Variants in OSBP2 observed in about 807,000 individuals in gnomAD.
OSBP2 encodes oxysterol-binding protein 2.
OSBP2 carries 66 observed loss-of-function variants against 96.0 expected under a neutral mutation model. That is an observed-to-expected ratio of 0.69 (90% CI 0.56 to 0.84). The LOEUF (loss-of-function observed/expected upper bound fraction) is 0.84. OSBP2 is among the 40% of genes least tolerant of loss of function. The pLI is 0.00. For missense variants in OSBP2, 1,038 were observed against 1,222.7 expected, an observed-to-expected ratio of 0.85 and a Z score of 2.25; for synonymous variants, 525 against 520.9, an observed-to-expected ratio of 1.01 and a Z score of -0.11.
At chr22:30,841,870 C>G (rs1312998992) in intron 2 of OSBP2, among the ~76,000 whole-genome samples, 2 of 152,110 alleles carry the variant, frequency 1.3e-5, no homozygotes, top group Non-Finnish European at 2.9e-5. Flanking sequence ...AGAGTTGTGG[C>G]ATGCACCTGT....
chr22:30,858,174 C>T (rs1346297046), intron 2 of OSBP2, among the ~76,000 whole-genome samples: 2 of 147,446 alleles, frequency 1.4e-5, no homozygotes, highest in African/African-American at 5.2e-5. Context: ...GAGTCTCGCT[C>T]TGTCGCCCAG....
At chr22:30,840,185 T>G (rs910334191) in intron 2 of OSBP2, among the ~76,000 whole-genome samples, 1 of 149,664 alleles carries the variant, frequency 6.7e-6, no homozygotes, top group African/African-American at 2.5e-5. Context: ...AATGTGCACA[T>G]GTACCCTAAA....
At chr22:30,875,178 C>T (rs1352572911) in intron 3 of OSBP2, among the ~76,000 whole-genome samples, 2 of 152,158 alleles carry the variant, frequency 1.3e-5, no homozygotes, top group Non-Finnish European at 2.9e-5. Context: ...GAGGCCCAGC[C>T]CCGAGGCCTC....
intron 2 of OSBP2, among the ~76,000 whole-genome samples, chr22:30,814,077 C>T (rs1477440651): frequency 1.3e-5 from 2 of 152,128 alleles, no homozygotes; most frequent in South Asian, 2.1e-4. Context: ...CAGGCATGAA[C>T]CACCATGCCC....
chr22:30,768,107 A>G (rs2090299596), intron 2 of OSBP2, among the ~76,000 whole-genome samples: 1 of 152,090 alleles, frequency 6.6e-6, no homozygotes, highest in South Asian at 2.1e-4. Context: ...GCCCAGGGTG[A>G]ATGGGTCACT....
At chr22:30,737,996 G>A (rs1300664799) in intron 1 of OSBP2, among the ~76,000 whole-genome samples, 1 of 151,946 alleles carries the variant, frequency 6.6e-6, no homozygotes, top group Non-Finnish European at 1.5e-5. Flanking sequence ...ACAGGCGTGA[G>A]CCACCGTGCA....
intron 1 of OSBP2, among the ~76,000 whole-genome samples, chr22:30,702,468 G>A (rs1303070026): frequency 6.6e-6 from 1 of 152,126 alleles, no homozygotes; most frequent in Non-Finnish European, 1.5e-5. Flanking sequence ...ACAAAAATTA[G>A]CTGGGCATGG....
At chr22:30,902,140 C>CAAAAAAAAAAAAAAAAAAAAAAAAA (rs1239083048) in intron 12 of OSBP2, 2 of 253,946 alleles carry the variant, frequency 7.9e-6, no homozygotes, top group Admixed American at 5.7e-5. Flanking sequence ...AAAAAAAAAC[C>CAAAAAAAAAAAAAAAAAAAAAAAAA]AAAAAAAAAA....
intron 2 of OSBP2, among the ~76,000 whole-genome samples, chr22:30,861,306 GC>G (rs940182220): frequency 2.0e-5 from 3 of 152,144 alleles, no homozygotes; most frequent in African/African-American, 7.2e-5. Flanking sequence ...CATCCCACAG[GC>G]CCCACCCTGG....
At chr22:30,694,848 C>T (rs1363707175), upstream of OSBP2, 8 of 759,192 alleles carry the variant, frequency 1.1e-5, no homozygotes, top group Non-Finnish European at 1.2e-5. Flanking sequence ...GCCCCCGGCC[C>T]CGCCCCCGGC....
At chr22:30,720,700 A>C (rs775302257) in intron 1 of OSBP2, among the ~76,000 whole-genome samples, 1 of 152,214 alleles carries the variant, frequency 6.6e-6, no homozygotes, top group African/African-American at 2.4e-5. Flanking sequence ...AAACTGTTTC[A>C]TAAGTGTAAG....
chr22:30,694,902 C>G lies in OSBP2; in HGVS notation c.-8C>G. The G allele has an allele frequency of 7.7e-7, 1 of 1,306,146 alleles. No homozygotes were observed. Among genetic ancestry groups the G allele is most frequent in the Non-Finnish European group, 9.8e-7 (1 of 1,019,544 alleles). 80.9% of individuals were successfully genotyped at this position (1,306,146 alleles called of 1,614,324 possible). A position where few individuals can be genotyped will look rare whatever the true frequency, so the allele number is the denominator to read the frequency against. ...GGCCGCTCGGCCGCGCGCGGGTCGG[C>G]CGGCTCTATGGGGAAAGCGGCGGCT... is the stretch of plus-strand genomic sequence containing the variant. On this transcript the variant is annotated 5_prime_UTR_variant, in exon 1 of 14. Transcript: ENST00000332585.
chr22:30,822,402 A>C, intron 2 of OSBP2: 1 of 790,450 alleles, frequency 1.3e-6, no homozygotes, highest in Non-Finnish European at 1.7e-6. Flanking sequence ...AGTGGTAGGC[A>C]GCACCGCCGC....
intron 1 of OSBP2, among the ~76,000 whole-genome samples, chr22:30,698,790 T>C (rs141597760): frequency 1.6e-3 from 249 of 152,178 alleles, no homozygotes; most frequent in Non-Finnish European, 2.6e-3. Flanking sequence ...AGCATCTATT[T>C]CTTGTGCCCC....
chr22:30,779,749 T>C (rs989802672), intron 2 of OSBP2, among the ~76,000 whole-genome samples: 1 of 152,154 alleles, frequency 6.6e-6, no homozygotes, highest in African/African-American at 2.4e-5. Flanking sequence ...CTTTCCAGAA[T>C]GAAGTAGAAA....
chr22:30,863,149 G>A (rs965477934), intron 2 of OSBP2, among the ~76,000 whole-genome samples: 3 of 152,084 alleles, frequency 2.0e-5, no homozygotes, highest in East Asian at 1.9e-4. Flanking sequence ...TGGGCTGTTC[G>A]TTCTCAAACA....
intron 2 of OSBP2, among the ~76,000 whole-genome samples, chr22:30,839,672 T>G (rs1487722096): frequency 6.6e-6 from 1 of 151,678 alleles, no homozygotes; most frequent in African/African-American, 2.4e-5. Context: ...TCATATCCTT[T>G]GCCCACTTTT....
intron 2 of OSBP2, among the ~76,000 whole-genome samples, chr22:30,814,435 T>TTG (rs548907322): frequency 2.7e-5 from 1 of 37,026 alleles, no homozygotes; most frequent in African/African-American, 1.9e-4. Context: ...TCTCGTTGGG[T>TTG]TTTTTTTTTT....
rs1019040397 is a variant in OSBP2 at position 30,836,497 on chromosome 22, C to G, written c.854-33932C>G. Among the ~76,000 whole-genome samples, 4 of 152,202 alleles carry G rather than the reference C, an allele frequency of 2.6e-5. No individual in the cohort carries two copies. In the East Asian group the frequency reaches 7.7e-4, roughly 29 times the overall value. ...TGGCCAACAGTTGAAGACCTTTCCTCCTTCCTTTTCTTTGCCTGGCAAAAG... is the reference window on the plus strand; with the variant it reads ...TGGCCAACAGTTGAAGACCTTTCCTGCTTCCTTTTCTTTGCCTGGCAAAAG... On this transcript the variant is annotated intron_variant, in intron 2 of 13. Coordinates refer to ENST00000332585, the MANE Select transcript of OSBP2 (RefSeq NM_030758.4).
Sources: allele counts gnomAD v4.1 joint callset (sites outside exome capture counted in the v4.1 genomes callset), GRCh38; gene constraint gnomAD v4.1.1; transcripts MANE v1.5; gene names NCBI Gene and HGNC (gene_info 2026-07-23, HGNC 2026-07-21).